The following C7 variants were observed in gnomAD, a reference collection of about 807,000 sequenced individuals.
The protein encoded by C7 is complement C7, also known as complement component C7.
In C7, 83 loss-of-function variants were observed where a neutral mutation model predicts 104.8. The ratio of observed to expected loss-of-function variants is 0.79; its 90% CI spans 0.66 to 0.95. The LOEUF (loss-of-function observed/expected upper bound fraction) is 0.95, where lower values mean the gene tolerates loss of function less well. Ranked by LOEUF, C7 falls within the 40% of genes least tolerant of loss-of-function variation. C7 has a pLI of 0.00. For synonymous variants in C7, 415 were observed against 360.6 expected (o/e 1.15, Z -1.71); for missense variants, 1,070 against 1,011.2 (o/e 1.06, Z -0.79).
chr5:40,957,805 A>T (rs934790850), intron 10 of C7, among the ~76,000 whole-genome samples: 44 of 150,140 alleles, frequency 2.9e-4, no homozygotes, highest in Middle Eastern at 3.4e-3. Flanking sequence ...TGCACAGAAG[A>T]TATATAAAAA....
In C7 at chr5:40,912,119, A is replaced by T. The variant is rs548968294; in HGVS notation, c.6+2503A>T. 1.6e-4 allele frequency among the ~76,000 whole-genome samples: 24 copies of T among 152,202 alleles called. No homozygotes were observed. In the East Asian group the frequency reaches 4.6e-3, roughly 29 times the overall value. On this transcript the variant is annotated intron_variant, in intron 1 of 17. Coordinates refer to ENST00000313164, the MANE Select transcript of C7 (RefSeq NM_000587.4). Reference sequence around the variant, plus strand: ...ATGTATGTCTATCACTGTCATTCACATGATTTATTTGTGTTTGTTCTATCT... The same window carrying T: ...ATGTATGTCTATCACTGTCATTCACTTGATTTATTTGTGTTTGTTCTATCT...
At chr5:40,958,315 C>A in intron 11 of C7, 54 bp downstream of exon 11, 1 of 1,093,912 alleles carries the variant, frequency 9.1e-7, no homozygotes, top group Non-Finnish European at 1.3e-6. Flanking sequence ...AGGGAATTAC[C>A]CTGTTTCTCT....
intron 14 of C7, chr5:40,972,045 T>C: frequency 2.1e-6 from 1 of 467,470 alleles, no homozygotes; most frequent in South Asian, 1.6e-5. Context: ...TTAATGAAAC[T>C]CTCCTGGTGG....
At chr5:40,917,434 T>C (rs995773497) in intron 1 of C7, among the ~76,000 whole-genome samples, 5 of 152,222 alleles carry the variant, frequency 3.3e-5, no homozygotes, top group Admixed American at 3.3e-4. Context: ...GGTTAATCCA[T>C]GTTGTCACAA....
chr5:40,964,971 C>A, intron 14 of C7, 98 bp downstream of exon 14: 2 of 1,349,390 alleles, frequency 1.5e-6, no homozygotes, highest in Non-Finnish European at 1.0e-6. Context: ...CATGTGTTGG[C>A]CTTCCTTTCC....
intron 14 of C7, among the ~76,000 whole-genome samples, chr5:40,965,648 A>ATATATATATATTTTT (rs35802990): frequency 3.1e-5 from 4 of 130,310 alleles, no homozygotes; most frequent in African/African-American, 6.4e-5. Context: ...ATATATATAT[A>ATATATATATATTTTT]TTTTTTTTTT....
chr5:40,958,190 G>A lies in C7; in HGVS notation c.1418G>A (p.Cys473Tyr). ...GGLATVEGTHCLCHCKPYTFG... is the reference protein window; with the variant it reads ...GGLATVEGTHYLCHCKPYTFG... Reference sequence around the variant, plus strand: ...TTGGCTACTGTTGAGGGGACCCATTGTCTGTGCCATTGCAAACCGTACACA... The same window carrying A: ...TTGGCTACTGTTGAGGGGACCCATTATCTGTGCCATTGCAAACCGTACACA... Residue 473 changes from cysteine (C) to tyrosine (Y), a missense_variant, in exon 11 of 18, where the codon TGT becomes TAT. Transcript: ENST00000313164. The A allele has an allele frequency of 1.2e-6, 2 of 1,613,760 alleles. No individual in the cohort carries two copies. Among genetic ancestry groups the A allele is most frequent in the South Asian group, 1.1e-5 (1 of 91,054 alleles).
chr5:40,926,924 A>T (rs1214223480), intron 1 of C7, among the ~76,000 whole-genome samples: 3 of 152,172 alleles, frequency 2.0e-5, no homozygotes, highest in African/African-American at 7.2e-5. Context: ...AATCACAAAA[A>T]AACCCAAATG....
intron 1 of C7, among the ~76,000 whole-genome samples, chr5:40,911,315 C>G (rs1363623267): frequency 6.6e-6 from 1 of 152,198 alleles, no homozygotes; most frequent in Non-Finnish European, 1.5e-5. Context: ...TAAGAGGAAG[C>G]AATGTTTTGG....
intron 1 of C7, among the ~76,000 whole-genome samples, chr5:40,913,421 T>TGTCC (rs1410943104): frequency 3.3e-5 from 5 of 152,160 alleles, no homozygotes. Context: ...TTCCCACCAA[T>TGTCC]AGTATATATT....
intron 1 of C7, among the ~76,000 whole-genome samples, chr5:40,918,271 C>A (rs1200332774): frequency 2.0e-5 from 3 of 151,536 alleles, no homozygotes; most frequent in Non-Finnish European, 4.4e-5. Context: ...GAGGTGGGAG[C>A]ATCATTTGAG....
intron 15 of C7, among the ~76,000 whole-genome samples, chr5:40,974,980 G>A (rs1472446839): frequency 6.6e-6 from 1 of 152,148 alleles, no homozygotes; most frequent in Non-Finnish European, 1.5e-5. Flanking sequence ...ATCCTCCTAT[G>A]TCAATAACAT....
intron 9 of C7, among the ~76,000 whole-genome samples, chr5:40,952,369 G>A (rs965301910): frequency 1.1e-4 from 17 of 152,252 alleles, no homozygotes; most frequent in African/African-American, 3.9e-4. Flanking sequence ...CTTGCATTGG[G>A]CTGCCTTTTC....
At chr5:40,953,506 T>G (rs1740221491) in intron 9 of C7, among the ~76,000 whole-genome samples, 1 of 152,044 alleles carries the variant, frequency 6.6e-6, no homozygotes, top group African/African-American at 2.4e-5. Flanking sequence ...CTGGGTGTGG[T>G]GGCGCACGCC....
rs1739607142 is a variant in C7 at position 40,928,585 on chromosome 5, A to G, written c.12A>G (p.Ile4Met). 1.3e-6 allele frequency: 2 copies of G among 1,525,022 alleles called. No individual in the cohort carries two copies. Among genetic ancestry groups the G allele is most frequent in the South Asian group, 2.5e-5 (2 of 80,770 alleles). 94.5% of individuals were successfully genotyped at this position (1,525,022 alleles called of 1,614,324 possible). A position where few individuals can be genotyped will look rare whatever the true frequency, so the allele number is the denominator to read the frequency against. MKVISLFILVGFIG... is the reference protein window; with the variant it reads MKVMSLFILVGFIG... Reference sequence around the variant, plus strand: ...TTATTGTTTTTCTTCTCCAGGTGATAAGCTTATTCATTTTGGTGGGATTTA... The same window carrying G: ...TTATTGTTTTTCTTCTCCAGGTGATGAGCTTATTCATTTTGGTGGGATTTA... The change falls in exon 2 of 18, where the codon ATA (isoleucine) becomes ATG (methionine). Residue 4 changes from isoleucine (I) to methionine (M), a missense_variant. Physicochemically the swap from Ile to Met is conservative, Grantham distance 10 (BLOSUM62 1). Coordinates refer to ENST00000313164, the MANE Select transcript of C7 (RefSeq NM_000587.4).
In C7 at chr5:40,969,510, C is replaced by T. The variant is rs113756400; in HGVS notation, c.1883-2893C>T. On this transcript the variant is annotated intron_variant, in intron 14 of 17. Transcript: ENST00000313164. Reference sequence around the variant, plus strand: ...ATGAAAATTTAAAAATTGGATGATGCTATCTTCCTCTAGAGAAGACTAACT... The same window carrying T: ...ATGAAAATTTAAAAATTGGATGATGTTATCTTCCTCTAGAGAAGACTAACT... Among the ~76,000 whole-genome samples, 228 of 152,242 alleles carry T rather than the reference C, an allele frequency of 1.5e-3. 1 individual carries two copies. Among genetic ancestry groups the T allele is most frequent in the African/African-American group, 5.2e-3 (217 of 41,536 alleles).
intron 9 of C7, among the ~76,000 whole-genome samples, chr5:40,951,114 G>A (rs189443749): frequency 9.2e-5 from 14 of 152,322 alleles, no homozygotes; most frequent in African/African-American, 3.4e-4. Context: ...GGTCAACAGA[G>A]TGAAGATAAG....
intron 6 of C7, among the ~76,000 whole-genome samples, chr5:40,939,850 T>G (rs1298248539): frequency 6.6e-6 from 1 of 152,250 alleles, no homozygotes; most frequent in Admixed American, 6.5e-5. Flanking sequence ...AACGTGATCC[T>G]GACATTCATT....
Position 40,979,882 on chromosome 5 carries a change from G to T in C7, c.2323G>T (p.Ala775Ser), listed in dbSNP as rs376344543. 3.1e-6 allele frequency: 5 copies of T among 1,596,360 alleles called. No homozygotes were observed. The African/African-American group carries it at 6.7e-5, about 21-fold the overall frequency. Residue 775 changes from alanine to serine, a missense_variant, in exon 17 of 18, where the codon GCC becomes TCC. By Grantham distance (99) the Ala-to-Ser change is moderately conservative. Transcript: ENST00000313164. ...LPASAEKACG[A>S]CPLWGKCDAE... ...TGCCTCAGCTGAGAAAGCTTGTGGT[G>T]CCTGCCCACTGTGGGGAAAATGTGA...
Sources: allele counts gnomAD v4.1 joint callset (sites outside exome capture counted in the v4.1 genomes callset), GRCh38; gene constraint gnomAD v4.1.1; transcripts MANE v1.5; gene names NCBI Gene and HGNC (gene_info 2026-07-23, HGNC 2026-07-21).